XNDC1N: variants seen among roughly 807,000 people sequenced by gnomAD.
The protein encoded by XNDC1N is protein XNDC1N.
chr11:71,910,201 A>G, the XNDC1N span, among the ~76,000 whole-genome samples: 9 of 152,318 alleles, frequency 5.9e-5, no homozygotes, highest in African/African-American at 1.9e-4. Context: ...AAGGACTACC[A>G]GCCGGTTCAG....
At chr11:71,894,900 C>A in the XNDC1N span, among the ~76,000 whole-genome samples, 80 of 152,330 alleles carry the variant, frequency 5.3e-4, 1 homozygote, top group African/African-American at 1.7e-3. Context: ...TGAGGACATA[C>A]TGTACATCAA....
chr11:71,875,448 A>G, the XNDC1N span, among the ~76,000 whole-genome samples: 2 of 152,160 alleles, frequency 1.3e-5, no homozygotes, highest in Non-Finnish European at 2.9e-5. Context: ...ATATAGGCAT[A>G]TATGTGTTTG....
the XNDC1N span, among the ~76,000 whole-genome samples, chr11:71,885,594 C>T: frequency 0.028 from 4,267 of 152,126 alleles, 72 homozygotes; most frequent in East Asian, 0.081. Flanking sequence ...CGATATTGAA[C>T]GTAATATCAT....
chr11:71,872,151 A>T, the XNDC1N span, among the ~76,000 whole-genome samples: 1 of 152,306 alleles, frequency 6.6e-6, no homozygotes, highest in African/African-American at 2.4e-5. Flanking sequence ...GCTGCAAGAA[A>T]AAAGCCAGTG....
At chr11:71,876,368 T>C in the XNDC1N span, among the ~76,000 whole-genome samples, 2 of 152,234 alleles carry the variant, frequency 1.3e-5, no homozygotes, top group Non-Finnish European at 2.9e-5. Context: ...TTATCTTTCT[T>C]TGCTGAAGCC....
At chr11:71,874,677 C>A in the XNDC1N span, among the ~76,000 whole-genome samples, 1 of 152,154 alleles carries the variant, frequency 6.6e-6, no homozygotes, top group African/African-American at 2.4e-5. Flanking sequence ...GAGACAGCAA[C>A]CTTGTGCCAA....
the XNDC1N span, among the ~76,000 whole-genome samples, chr11:71,920,400 C>T: frequency 3.3e-5 from 5 of 152,230 alleles, no homozygotes; most frequent in Admixed American, 6.5e-5. Context: ...CTCCGCCTCC[C>T]GGGTTCAAGC....
At chr11:71,882,045 T>C in the XNDC1N span, among the ~76,000 whole-genome samples, 1 of 151,818 alleles carries the variant, frequency 6.6e-6, no homozygotes, top group Non-Finnish European at 1.5e-5. Flanking sequence ...AATTTAAACA[T>C]AGGCATATTA....
the XNDC1N span, among the ~76,000 whole-genome samples, chr11:71,900,023 T>C: frequency 8.5e-5 from 13 of 152,276 alleles, no homozygotes; most frequent in African/African-American, 1.4e-4. Context: ...TCCACTGAGA[T>C]GTTTGGGTGG....
At chr11:71,916,324 G>A in the XNDC1N span, 933 of 684,626 alleles carry the variant, frequency 1.4e-3, 2 homozygotes, top group African/African-American at 0.015. Context: ...AGGAAGAAAA[G>A]GTCAATACTA....
At chr11:71,889,636 C>T in the XNDC1N span, among the ~76,000 whole-genome samples, 705 of 152,252 alleles carry the variant, frequency 4.6e-3, 6 homozygotes, top group African/African-American at 0.016. Context: ...GTTGTTAGGC[C>T]GGTATTTCTA....
At chr11:71,911,060 C>T in the XNDC1N span, among the ~76,000 whole-genome samples, 1 of 152,242 alleles carries the variant, frequency 6.6e-6, no homozygotes, top group South Asian at 2.1e-4. Flanking sequence ...GGCCAGTGGC[C>T]TACATCTCTC....
chr11:71,896,735 G>T, the XNDC1N span, among the ~76,000 whole-genome samples: 1 of 152,206 alleles, frequency 6.6e-6, no homozygotes, highest in African/African-American at 2.4e-5. Context: ...AGCTAATGTT[G>T]TATTTCTGGT....
chr11:71,894,413 TC>T, the XNDC1N span: 1 of 213,612 alleles, frequency 4.7e-6, no homozygotes, highest in Non-Finnish European at 9.4e-6. Context: ...CATGATCTGT[TC>T]CATCCTTTTT....
At chr11:71,898,274 C>T in the XNDC1N span, among the ~76,000 whole-genome samples, 6,763 of 151,388 alleles carry the variant, frequency 0.045, 520 homozygotes, top group African/African-American at 0.16. Context: ...ATGGATGAAC[C>T]TTGAAGACAT....
chr11:71,907,170 A>G, the XNDC1N span, among the ~76,000 whole-genome samples: 1 of 144,524 alleles, frequency 6.9e-6, no homozygotes, highest in South Asian at 2.3e-4. Flanking sequence ...CATTATCACG[A>G]ATAATATCAC....
chr11:71,877,363 C>T, the XNDC1N span, among the ~76,000 whole-genome samples: 4 of 152,340 alleles, frequency 2.6e-5, no homozygotes, highest in East Asian at 1.9e-4. Flanking sequence ...TCTGGCCAGA[C>T]GTGGTGGCTC....
At chr11:71,909,244 G>C in the XNDC1N span, among the ~76,000 whole-genome samples, 2 of 151,958 alleles carry the variant, frequency 1.3e-5, no homozygotes, top group Non-Finnish European at 2.9e-5. Context: ...GATGCAGTAA[G>C]CCGTAAGGAA....
chr11:71,901,843 G>T, the XNDC1N span, among the ~76,000 whole-genome samples: 1,191 of 152,074 alleles, frequency 7.8e-3, 40 homozygotes, highest in African/African-American at 0.027. Flanking sequence ...TGCCCGCTGC[G>T]TGATCTCTAG....
Sources: allele counts gnomAD v4.1 joint callset (sites outside exome capture counted in the v4.1 genomes callset), GRCh38; gene constraint gnomAD v4.1.1; transcripts MANE v1.5; gene names NCBI Gene and HGNC (gene_info 2026-07-23, HGNC 2026-07-21).